The following USP42 variants were observed in gnomAD, a reference collection of about 807,000 sequenced individuals.
USP42 encodes the protein ubiquitin carboxyl-terminal hydrolase 42.
USP42 carries 23 observed loss-of-function variants against 113.0 expected under a neutral mutation model. The observed-to-expected ratio is 0.20, with a 90% CI of 0.15 to 0.29. USP42 has a LOEUF of 0.29. USP42 is among the 10% of genes least tolerant of loss of function. The probability of loss-of-function intolerance (pLI) is 1.00; values close to 1 mark genes in which losing one functional copy is unlikely to be tolerated. For synonymous variants in USP42, 933 were observed against 699.0 expected, an observed-to-expected ratio of 1.33 and a Z score of -5.28; for missense variants, 2,174 against 1,779.8, an observed-to-expected ratio of 1.22 and a Z score of -3.99.
In USP42 at chr7:6,135,883, A is replaced by G. The variant is rs1481330260; in HGVS notation, c.485A>G (p.His162Arg). ...TGTATGATGTGTACAATGCAAGCAC[A>G]TATTACCCAGGCACTCAGTAATCCT... The part of the protein sequence containing the change: ...GFCMMCTMQA[H>R]ITQALSNPGD... Residue 162 changes from histidine to arginine, a missense_variant, in exon 4 of 18, where the codon CAT becomes CGT. Transcript: ENST00000306177. 1 of 1,609,616 alleles carries G rather than the reference A, an allele frequency of 6.2e-7. No individual in the cohort carries two copies. Among genetic ancestry groups the G allele is most frequent in the Non-Finnish European group, 8.5e-7 (1 of 1,178,412 alleles).
chr7:6,156,651 ACAGT>A, intron 15 of USP42, 99 bp from the exon 16 acceptor site: 3 of 1,437,782 alleles, frequency 2.1e-6, no homozygotes, highest in East Asian at 2.5e-5. Context: ...GCGTGTCTGC[ACAGT>A]GAATGTTCTC....
At chr7:6,119,381 G>A (rs1165828710) in intron 3 of USP42, among the ~76,000 whole-genome samples, 1 of 152,166 alleles carries the variant, frequency 6.6e-6, no homozygotes, top group African/African-American at 2.4e-5. Context: ...TGAGGTGAGA[G>A]GCTCGCTTCA....
rs201917794 is a variant in USP42 at position 6,150,066 on chromosome 7, A to G, written c.1870A>G (p.Lys624Glu). The change falls in exon 13 of 18, where the codon AAG becomes GAG. Residue 624 changes from lysine to glutamate, a missense_variant. Physicochemically the swap from Lys to Glu is moderately conservative, Grantham distance 56 (BLOSUM62 1). Transcript: ENST00000306177. ...TGACGAGGAGTCAAAGGGGCTGGGC[A>G]AGGAGAATGGGATTGGTACGATTGT... is the stretch of plus-strand genomic sequence containing the variant. ...DSDEESKGLG[K>E]ENGIGTIVSS... The G allele has an allele frequency of 4.8e-5, 78 of 1,609,368 alleles. No homozygotes were observed. Among genetic ancestry groups the G allele is most frequent in the Non-Finnish European group, 6.2e-5 (73 of 1,177,806 alleles).
chr7:6,089,309 C>G, the USP42 span, among the ~76,000 whole-genome samples: 2 of 150,276 alleles, frequency 1.3e-5, no homozygotes, highest in African/African-American at 5.0e-5. Context: ...CCACCTTGGC[C>G]TCCCAAAGTG....
rs62454274 is a variant in USP42, at chr7:6,158,571, G to A, written c.3944-879G>A. Reference sequence around the variant, plus strand: ...TGTGTGAGAGAGAGCTGGGGGTTGCGGGGTGAGCCCCATGGGGGACATTTG... The same window carrying A: ...TGTGTGAGAGAGAGCTGGGGGTTGCAGGGTGAGCCCCATGGGGGACATTTG... On this transcript the variant is annotated intron_variant, in intron 16 of 17. Transcript: ENST00000306177. This position sits in a 1 kb window ranked among gnomAD's most constrained non-coding sequence, Gnocchi z 4.2. Among the ~76,000 whole-genome samples, 23,161 of 152,222 alleles carry A rather than the reference G, an allele frequency of 0.15. 2,368 individuals carry two copies. The highest frequency in any genetic ancestry group is 0.29 in the Middle Eastern group (85 of 294).
intron 7 of USP42, among the ~76,000 whole-genome samples, chr7:6,141,365 C>T (rs577696717): frequency 1.7e-3 from 264 of 151,438 alleles, no homozygotes; most frequent in African/African-American, 5.9e-3. Flanking sequence ...CCACCATGCC[C>T]AGCTAATTTT....
chr7:6,109,981 G>GCC (rs1779507374), intron 1 of USP42, among the ~76,000 whole-genome samples: 1 of 151,900 alleles, frequency 6.6e-6, no homozygotes, highest in Non-Finnish European at 1.5e-5. Flanking sequence ...GATTACAGGT[G>GCC]TGCACCACCA....
chr7:6,125,183 C>CAAAAA (rs56776147), intron 3 of USP42, among the ~76,000 whole-genome samples: 3 of 38,730 alleles, frequency 7.7e-5, no homozygotes, highest in Non-Finnish European at 1.1e-4. Context: ...TCTGTCTCAA[C>CAAAAA]AAAAAAAAAA....
rs535910519 is a variant in USP42 at position 6,148,030 on chromosome 7, C to G, written c.1386+138C>G. On this transcript the variant is annotated intron_variant, in intron 12 of 17. Coordinates refer to ENST00000306177, the MANE Select transcript of USP42 (RefSeq NM_032172.3). Reference sequence around the variant, plus strand: ...CTCACAGTTTAATCAAACCCTCTTACACAGTATTTCAAATATACAGAAAAC... The same window carrying G: ...CTCACAGTTTAATCAAACCCTCTTAGACAGTATTTCAAATATACAGAAAAC... 5 of 958,374 alleles carry G rather than the reference C, an allele frequency of 5.2e-6. No homozygotes were observed. In the African/African-American group the frequency reaches 8.3e-5, roughly 16 times the overall value. The allele number at this position is 958,374 out of a possible 1,614,324, so 59.4% of individuals were successfully genotyped here.
intron 15 of USP42, 29 bp downstream of exon 15, chr7:6,155,224 G>A: frequency 6.7e-7 from 1 of 1,496,888 alleles, no homozygotes; most frequent in Non-Finnish European, 8.8e-7. Context: ...GCTCCCCGAG[G>A]CGCTGGCGCT....
chr7:6,149,745 C>A lies in USP42; in HGVS notation c.1549C>A (p.Pro517Thr), dbSNP rs779036447. ...TAGGTCCTCAGTGATCCCAGAACAT[C>A]CTAAGAAACAAAAAATTACAATCAG... The part of the protein sequence containing the change: ...VNRSSVIPEH[P>T]KKQKITISIH... Residue 517 changes from proline to threonine, a missense_variant, in exon 13 of 18, where the codon CCT (proline) becomes ACT (threonine). Pro to Thr is a conservative substitution (Grantham distance 38, BLOSUM62 -1). Transcript: ENST00000306177. The A allele has an allele frequency of 3.1e-6, 5 of 1,613,826 alleles. No homozygotes were observed. In the Admixed American group the frequency reaches 5.0e-5, roughly 16 times the overall value.
intron 2 of USP42, among the ~76,000 whole-genome samples, chr7:6,114,656 G>GTGTGTATATATATATATATA (rs1187768774): frequency 3.3e-5 from 2 of 60,598 alleles, no homozygotes; most frequent in African/African-American, 1.6e-4. Flanking sequence ...ATGTGTGTGT[G>GTGTGTATATATATATATATA]TATATATATA....
chr7:6,114,227 T>A (rs1250484765), intron 2 of USP42, among the ~76,000 whole-genome samples: 1 of 152,136 alleles, frequency 6.6e-6, no homozygotes, highest in Non-Finnish European at 1.5e-5. Flanking sequence ...TAGTAAGGGC[T>A]CCCTACATGA....
the USP42 span, chr7:6,081,643 A>C: frequency 6.6e-6 from 1 of 152,160 alleles, no homozygotes; most frequent in Non-Finnish European, 1.5e-5. Flanking sequence ...ACGCGGGAGC[A>C]CCCATGGCGC....
chr7:6,105,187 C>T (rs1779194539), intron 1 of USP42, among the ~76,000 whole-genome samples, 155 bp downstream of exon 1: 1 of 145,544 alleles, frequency 6.9e-6, no homozygotes, highest in African/African-American at 2.5e-5. Flanking sequence ...TACACAGCCG[C>T]GGGCCGCCCG....
intron 3 of USP42, among the ~76,000 whole-genome samples, chr7:6,116,114 A>C (rs1779897679): frequency 1.3e-5 from 2 of 151,472 alleles, no homozygotes. Context: ...AAAAAAAAAA[A>C]AAAAAAACGT....
the USP42 span, among the ~76,000 whole-genome samples, chr7:6,097,913 T>TC: frequency 3.0e-5 from 4 of 133,414 alleles, no homozygotes; most frequent in East Asian, 8.8e-4. Flanking sequence ...TTTTCTTTTT[T>TC]TTTTTTTTTT....
chr7:6,147,766 A>T lies in USP42; in HGVS notation c.1260A>T (p.Glu420Asp), dbSNP rs1348711035. The T allele has an allele frequency of 6.3e-7, 1 of 1,593,448 alleles. No individual in the cohort carries two copies. Among genetic ancestry groups the T allele is most frequent in the Non-Finnish European group, 8.6e-7 (1 of 1,166,052 alleles). Reference protein sequence around the residue: ...IRSHDVKNGGELTHPTHSPGQ... With the variant: ...IRSHDVKNGGDLTHPTHSPGQ... ...CCCATGATGTGAAAAATGGAGGTGAACTTACTCATCCCACCCATAGCCCCG... is the reference window on the plus strand; with the variant it reads ...CCCATGATGTGAAAAATGGAGGTGATCTTACTCATCCCACCCATAGCCCCG... Residue 420 changes from glutamate (E) to aspartate (D), a missense_variant, in exon 12 of 18, where the codon GAA becomes GAT. Coordinates refer to ENST00000306177, the MANE Select transcript of USP42 (RefSeq NM_032172.3).
the USP42 span, among the ~76,000 whole-genome samples, chr7:6,082,603 GTTTTTTTT>G: frequency 1.0e-4 from 9 of 90,194 alleles, no homozygotes; most frequent in Non-Finnish European, 1.6e-4. Context: ...CTTTCTTTCT[GTTTTTTTT>G]TTTTTTTTTT....
Sources: allele counts gnomAD v4.1 joint callset (sites outside exome capture counted in the v4.1 genomes callset), GRCh38; gene constraint gnomAD v4.1.1; non-coding constraint Gnocchi (gnomAD v3.1); transcripts MANE v1.5; gene names NCBI Gene and HGNC (gene_info 2026-07-23, HGNC 2026-07-21).